SLC12A7: variants seen among roughly 807,000 people sequenced by gnomAD.
The protein encoded by SLC12A7 is solute carrier family 12 member 7, also known as K-Cl cotransporter 4.
Under a neutral mutation model 120.6 loss-of-function variants are expected in SLC12A7, and 100 were observed. The observed-to-expected ratio is 0.83, with a 90% CI of 0.71 to 0.98. SLC12A7 has a LOEUF of 0.98. Among genes scored for constraint, SLC12A7 ranks in the 50% least tolerant of loss-of-function variants. The probability of loss-of-function intolerance (pLI) is 0.00; values close to 1 mark genes in which losing one functional copy is unlikely to be tolerated. For synonymous variants in SLC12A7, 760 were observed against 678.0 expected (o/e 1.12, Z -1.88); for missense variants, 1,373 against 1,548.1 (o/e 0.89, Z 1.90).
chr5:1,069,421 G>A (rs1280046575), intron 17 of SLC12A7, among the ~76,000 whole-genome samples: 1 of 152,212 alleles, frequency 6.6e-6, no homozygotes, highest in Non-Finnish European at 1.5e-5. Context: ...GGGGGCGGCT[G>A]CAGATGCCTG....
intron 2 of SLC12A7, among the ~76,000 whole-genome samples, chr5:1,093,870 G>A (rs1178437800): frequency 1.3e-5 from 2 of 152,194 alleles, no homozygotes; most frequent in Non-Finnish European, 2.9e-5. Flanking sequence ...CCCATGGCAG[G>A]GACCCCAGGG....
At chr5:1,069,588 G>A (rs1226787858) in intron 17 of SLC12A7, among the ~76,000 whole-genome samples, 1 of 152,220 alleles carries the variant, frequency 6.6e-6, no homozygotes, top group Non-Finnish European at 1.5e-5. Flanking sequence ...CACACATGAG[G>A]GGGAAGGAGG....
At position 1,075,870 on chromosome 5, in the gene SLC12A7, G is replaced by A. The variant is rs187448125; in HGVS notation, c.1847+268C>T. The A allele has an allele frequency of 3.0e-3, 1,595 of 526,256 alleles. 5 individuals carry two copies. Among genetic ancestry groups the A allele is most frequent in the Middle Eastern group, 4.4e-3 (9 of 2,038 alleles). The allele number at this position is 526,256 out of a possible 1,614,324, so 32.6% of individuals were successfully genotyped here. On this transcript the variant is annotated intron_variant, in intron 14 of 23. Transcript: ENST00000264930. ...GGGAAGGCTGGGCTGACCACGGGAG[G>A]TACAAGGCACATGCAGACACCTGGG... is the stretch of plus-strand genomic sequence containing the variant.
chr5:1,149,070 T>C, the SLC12A7 span, among the ~76,000 whole-genome samples: 3 of 147,140 alleles, frequency 2.0e-5, no homozygotes, highest in African/African-American at 7.8e-5. Context: ...CCCAGGAACA[T>C]GGATGTGCAA....
chr5:1,060,313 C>T (rs1561033084), intron 21 of SLC12A7, 31 bp downstream of exon 21: 2 of 1,530,636 alleles, frequency 1.3e-6, no homozygotes, highest in Non-Finnish European at 1.8e-6. Context: ...TCTCAGAAAG[C>T]CTGGTGTCTG....
At chr5:1,074,394 C>T (rs1265773104) in intron 16 of SLC12A7, among the ~76,000 whole-genome samples, 173 bp downstream of exon 16, 1 of 152,218 alleles carries the variant, frequency 6.6e-6, no homozygotes, top group African/African-American at 2.4e-5. Context: ...CAGGGACACC[C>T]CCGGCCCCCA....
At chr5:1,103,642 C>G (rs1742221315) in intron 1 of SLC12A7, among the ~76,000 whole-genome samples, 1 of 152,234 alleles carries the variant, frequency 6.6e-6, no homozygotes, top group Non-Finnish European at 1.5e-5. Flanking sequence ...CACACCAACA[C>G]CCGCACATAC....
At chr5:1,100,176 G>A (rs1021466293) in intron 1 of SLC12A7, among the ~76,000 whole-genome samples, 2 of 152,170 alleles carry the variant, frequency 1.3e-5, no homozygotes, top group African/African-American at 2.4e-5. Flanking sequence ...AATAGCTCAC[G>A]AAGCCCGTGA....
the SLC12A7 span, among the ~76,000 whole-genome samples, chr5:1,139,808 C>T: frequency 3.3e-5 from 5 of 152,206 alleles, no homozygotes; most frequent in Non-Finnish European, 7.4e-5. Flanking sequence ...ACTTCCCAGT[C>T]TAGGGCCACT....
the SLC12A7 span, among the ~76,000 whole-genome samples, chr5:1,118,156 C>G: frequency 6.6e-6 from 1 of 152,154 alleles, no homozygotes; most frequent in Non-Finnish European, 1.5e-5. Flanking sequence ...TCCCACACAG[C>G]CAGCTCTGCG....
intron 17 of SLC12A7, among the ~76,000 whole-genome samples, chr5:1,072,126 GC>G (rs200471418): frequency 0.077 from 2 of 26 alleles, 1 homozygote; most frequent in African/African-American, 0.33. Context: ...CACTTATGCA[GC>G]CCCCAGTGAG....
At chr5:1,054,539 TG>T (rs1735404531) in intron 22 of SLC12A7, among the ~76,000 whole-genome samples, 1 of 152,188 alleles carries the variant, frequency 6.6e-6, no homozygotes, top group African/African-American at 2.4e-5. Flanking sequence ...GTTTCTGTGT[TG>T]GAAAAACCCG....
chr5:1,092,666 G>C (rs371619934), intron 3 of SLC12A7, among the ~76,000 whole-genome samples: 3 of 152,196 alleles, frequency 2.0e-5, no homozygotes, highest in African/African-American at 7.2e-5. Context: ...TGTCAAGACT[G>C]GGGGAGGCCG....
intron 1 of SLC12A7, among the ~76,000 whole-genome samples, chr5:1,111,310 G>A (rs1039365464): frequency 6.6e-6 from 1 of 152,202 alleles, no homozygotes; most frequent in African/African-American, 2.4e-5. Context: ...CACGGAGGAC[G>A]CGGCCTGAGC....
At position 1,088,425 on chromosome 5, in the gene SLC12A7, C is replaced by T. The variant is rs75512230; in HGVS notation, c.490-65G>A. ...ACAGCCTGCCGGCATCGCAACACTC[C>T]CAAGTCAGGGTCTATGACCCGGCTC... On this transcript the variant is annotated intron_variant, in intron 4 of 23. Transcript: ENST00000264930. 100 of 1,509,260 alleles carry T rather than the reference C, an allele frequency of 6.6e-5. 1 individual carries two copies. The African/African-American group carries it at 1.1e-3, about 17-fold the overall frequency. 93.5% of individuals were successfully genotyped at this position (1,509,260 alleles called of 1,614,324 possible).
chr5:1,128,586 G>C, the SLC12A7 span, among the ~76,000 whole-genome samples: 1 of 152,232 alleles, frequency 6.6e-6, no homozygotes, highest in African/African-American at 2.4e-5. Flanking sequence ...CTGGGGCTCA[G>C]TAAATATTTG....
chr5:1,124,274 A>AC, the SLC12A7 span, among the ~76,000 whole-genome samples: 2 of 152,164 alleles, frequency 1.3e-5, no homozygotes, highest in Non-Finnish European at 2.9e-5. Context: ...CTAATCCCTC[A>AC]CTGTTTTCGA....
At chr5:1,067,561 A>C (rs1737187886) in intron 17 of SLC12A7, among the ~76,000 whole-genome samples, 1 of 152,228 alleles carries the variant, frequency 6.6e-6, no homozygotes, top group Non-Finnish European at 1.5e-5. Context: ...GGATCAGCCA[A>C]GTTTGGATGC....
At chr5:1,065,537 C>T (rs1736956649) in intron 17 of SLC12A7, 59 bp from the exon 18 acceptor site, 9 of 1,438,238 alleles carry the variant, frequency 6.3e-6, no homozygotes, top group East Asian at 4.8e-5. Context: ...GACCCACGCC[C>T]ACCACCCACG....
Sources: allele counts gnomAD v4.1 joint callset (sites outside exome capture counted in the v4.1 genomes callset), GRCh38; gene constraint gnomAD v4.1.1; transcripts MANE v1.5; gene names NCBI Gene and HGNC (gene_info 2026-07-23, HGNC 2026-07-21).